ADA: variants seen among roughly 807,000 people sequenced by gnomAD.
The protein encoded by ADA is adenosine deaminase, also known as adenosine aminohydrolase.
In ADA, 45 loss-of-function variants were observed where a neutral mutation model predicts 49.0. That is an observed-to-expected ratio of 0.92 (90% CI 0.72 to 1.18). The LOEUF is 1.18. Ranked by LOEUF, ADA falls within the 50% of genes most tolerant of loss-of-function variation. The pLI is 0.00. For synonymous variants in ADA, 173 were observed against 184.2 expected (o/e 0.94, Z 0.49); for missense variants, 445 against 472.5 (o/e 0.94, Z 0.54).
chr20:44,622,756 C>T, intron 8 of ADA, 73 bp downstream of exon 8: 1 of 1,613,976 alleles, frequency 6.2e-7, no homozygotes, highest in South Asian at 1.1e-5. Context: ...GGGACCCGCC[C>T]TGCTTTCTGC....
Position 44,620,783 on chromosome 20 carries a change from C to G in ADA, c.975+235G>C. Reference sequence around the variant, plus strand: ...ACCTTTCTGGGGAGAGGGTTGACAGCTTTCACTGGATTCTTTAAAGGCACT... The same window carrying G: ...ACCTTTCTGGGGAGAGGGTTGACAGGTTTCACTGGATTCTTTAAAGGCACT... On this transcript the variant is annotated intron_variant, in intron 10 of 11. Transcript: ENST00000372874. 3 of 600,298 alleles carry G rather than the reference C, an allele frequency of 5.0e-6. No individual in the cohort carries two copies. The South Asian group carries it at 5.7e-5, about 11-fold the overall frequency. The allele number at this position is 600,298 out of a possible 1,614,324, so 37.2% of individuals were successfully genotyped here. A position where few individuals can be genotyped will look rare whatever the true frequency, so the allele number is the denominator to read the frequency against.
At chr20:44,624,417 C>G in intron 5 of ADA, 88 bp from the exon 6 acceptor site, 1 of 1,570,014 alleles carries the variant, frequency 6.4e-7, no homozygotes, top group Non-Finnish European at 8.7e-7. Flanking sequence ...CCCAAACCCC[C>G]CATGGGAGGC....
chr20:44,640,635 C>T (rs1416552524), intron 1 of ADA, among the ~76,000 whole-genome samples: 1 of 149,378 alleles, frequency 6.7e-6, no homozygotes, highest in Non-Finnish European at 1.5e-5. Context: ...TCACTTTACT[C>T]CAGCCTGGGT....
intron 3 of ADA, among the ~76,000 whole-genome samples, 178 bp downstream of exon 3, chr20:44,628,869 C>A (rs1208525447): frequency 3.3e-5 from 5 of 152,184 alleles, no homozygotes; most frequent in Admixed American, 3.3e-4. Context: ...ACCCACATCT[C>A]AGAAGGGAAA....
chr20:44,633,132 T>G (rs375379), intron 2 of ADA, among the ~76,000 whole-genome samples: 149,744 of 152,322 alleles, frequency 0.98, 73,635 homozygotes, highest in Non-Finnish European at 1. Flanking sequence ...GAGGATGAGC[T>G]CAGGGGTTGC....
chr20:44,624,445 C>T, intron 5 of ADA, 116 bp from the exon 6 acceptor site: 1 of 1,399,698 alleles, frequency 7.1e-7, no homozygotes, highest in Non-Finnish European at 1.0e-6. Flanking sequence ...AAACAGGGCT[C>T]AGTGTCTTCA....
At chr20:44,628,548 TAAATA>T (rs1488451256) in intron 3 of ADA, among the ~76,000 whole-genome samples, 1 of 151,490 alleles carries the variant, frequency 6.6e-6, no homozygotes, top group African/African-American at 2.4e-5. Flanking sequence ...AATAAATAAA[TAAATA>T]AATAAATAAA....
At chr20:44,638,811 G>A (rs910895064) in intron 1 of ADA, among the ~76,000 whole-genome samples, 3 of 152,182 alleles carry the variant, frequency 2.0e-5, no homozygotes, top group African/African-American at 7.2e-5. Context: ...AACAAGAGAA[G>A]TGAATACATC....
chr20:44,639,558 A>G (rs998504850), intron 1 of ADA, among the ~76,000 whole-genome samples: 2 of 151,960 alleles, frequency 1.3e-5, no homozygotes, highest in African/African-American at 4.8e-5. Flanking sequence ...GACTACAGGC[A>G]CCCACCACCA....
Position 44,626,332 on chromosome 20 carries a change from C to T in ADA, c.362+124G>A, listed in dbSNP as rs2065381784. 3 of 1,388,154 alleles carry T rather than the reference C, an allele frequency of 2.2e-6. No homozygotes were observed. The African/African-American group carries it at 4.3e-5, about 20-fold the overall frequency. The allele number at this position is 1,388,154 out of a possible 1,614,324, so 86.0% of individuals were successfully genotyped here. A position where few individuals can be genotyped will look rare whatever the true frequency, so the allele number is the denominator to read the frequency against. On this transcript the variant is annotated intron_variant, in intron 4 of 11. Transcript: ENST00000372874. ...AACCCATCTTTCTGAGGCCATGGAC[C>T]AGACTGGGGGCAAGAACAAGGTCTT...
chr20:44,636,731 A>C (rs2065484402), intron 1 of ADA, among the ~76,000 whole-genome samples: 1 of 152,238 alleles, frequency 6.6e-6, no homozygotes, highest in Non-Finnish European at 1.5e-5. Flanking sequence ...AAACTACTTT[A>C]ACAAAAGGGA....
intron 1 of ADA, among the ~76,000 whole-genome samples, chr20:44,641,737 T>C (rs1238288605): frequency 1.3e-5 from 2 of 151,880 alleles, no homozygotes; most frequent in African/African-American, 4.8e-5. Flanking sequence ...TACTTCTGGC[T>C]AAAGTATTTA....
At chr20:44,638,833 C>T (rs534744232) in intron 1 of ADA, among the ~76,000 whole-genome samples, 1 of 152,170 alleles carries the variant, frequency 6.6e-6, no homozygotes, top group Admixed American at 6.5e-5. Context: ...AGAGGGCCAA[C>T]AATGAGCCTG....
In ADA at chr20:44,625,719, CA is replaced by C; in HGVS notation, c.363-36del. ...GAGAGGAGTAGGGATGGGCCTGAGG[CA>C]AAAGGAAGGCCTAAAGGGCAGCTCT... On this transcript the variant is annotated intron_variant, in intron 4 of 11. Coordinates refer to ENST00000372874, the MANE Select transcript of ADA (RefSeq NM_000022.4). 2.0e-6 allele frequency: 3 copies of C among 1,518,310 alleles called. 1 individual carries two copies. The highest frequency in any genetic ancestry group is 9.0e-7 in the Non-Finnish European group (1 of 1,116,788). The allele number at this position is 1,518,310 out of a possible 1,614,324, so 94.1% of individuals were successfully genotyped here. A position where few individuals can be genotyped will look rare whatever the true frequency, so the allele number is the denominator to read the frequency against.
intron 1 of ADA, among the ~76,000 whole-genome samples, chr20:44,645,972 C>T (rs2065587800): frequency 6.6e-6 from 1 of 152,118 alleles, no homozygotes; most frequent in South Asian, 2.1e-4. Context: ...GCAAGCCTAC[C>T]CCCAACACCT....
chr20:44,644,325 TCAGCACCTCGCA>T (rs1261284834), intron 1 of ADA, among the ~76,000 whole-genome samples: 1 of 152,098 alleles, frequency 6.6e-6, no homozygotes, highest in Non-Finnish European at 1.5e-5. Flanking sequence ...TGTCGTGTCC[TCAGCACCTCGCA>T]CAGCACCTAG....
intron 1 of ADA, among the ~76,000 whole-genome samples, chr20:44,636,591 G>A (rs1018752113): frequency 2.0e-5 from 3 of 152,154 alleles, no homozygotes; most frequent in African/African-American, 7.2e-5. Context: ...AATAGAGGCA[G>A]GAGCCCAACC....
intron 3 of ADA, 31 bp downstream of exon 3, chr20:44,629,016 C>G (rs2065407876): frequency 6.2e-7 from 1 of 1,613,896 alleles, no homozygotes; most frequent in Non-Finnish European, 8.5e-7. Flanking sequence ...ATCAATGCTG[C>G]CCTAGGACCT....
chr20:44,623,684 C>T (rs1348010987), intron 6 of ADA, among the ~76,000 whole-genome samples: 1 of 151,560 alleles, frequency 6.6e-6, no homozygotes, highest in Admixed American at 6.6e-5. Flanking sequence ...CTTCCTCCCT[C>T]CCTCCCTTCC....
Sources: allele counts gnomAD v4.1 joint callset (sites outside exome capture counted in the v4.1 genomes callset), GRCh38; gene constraint gnomAD v4.1.1; transcripts MANE v1.5; gene names NCBI Gene and HGNC (gene_info 2026-07-23, HGNC 2026-07-21).